COTL1: variants seen among roughly 807,000 people sequenced by gnomAD.
COTL1 encodes coactosin like F-actin binding protein 1.
A neutral mutation model predicts 16.5 loss-of-function variants in COTL1; 15 were observed. The ratio of observed to expected loss-of-function variants is 0.91; its 90% CI spans 0.61 to 1.40. The LOEUF (loss-of-function observed/expected upper bound fraction) is 1.40, where lower values mean the gene tolerates loss of function less well. Ranked by LOEUF, COTL1 falls within the 40% of genes most tolerant of loss-of-function variation. COTL1 has a pLI of 0.00. For missense variants in COTL1, 220 were observed against 201.5 expected (o/e 1.09, Z -0.56); for synonymous variants, 112 against 85.3 (o/e 1.31, Z -1.73).
chr16:84,593,788 C>T (rs976453879), intron 2 of COTL1, among the ~76,000 whole-genome samples: 5 of 152,278 alleles, frequency 3.3e-5, no homozygotes, highest in East Asian at 1.9e-4. Flanking sequence ...CGTGAGCCAC[C>T]GCGCCCGGCC....
intron 2 of COTL1, among the ~76,000 whole-genome samples, chr16:84,591,727 G>A (rs112373859): frequency 1.5e-4 from 23 of 150,156 alleles, no homozygotes; most frequent in African/African-American, 4.1e-4. Flanking sequence ...GGAGGCTAAG[G>A]TGGGAGGATC....
intron 3 of COTL1, among the ~76,000 whole-genome samples, chr16:84,569,406 T>G (rs888084978): frequency 6.6e-6 from 1 of 152,138 alleles, no homozygotes; most frequent in African/African-American, 2.4e-5. Flanking sequence ...AAAGTCGCCA[T>G]ATTGCCAAGA....
intron 3 of COTL1, among the ~76,000 whole-genome samples, chr16:84,587,532 A>G (rs1332235888): frequency 6.6e-6 from 1 of 152,220 alleles, no homozygotes; most frequent in Non-Finnish European, 1.5e-5. Flanking sequence ...ATGACGGTAC[A>G]CTTGTGAACC....
chr16:84,602,788 G>A (rs968723300), intron 2 of COTL1, among the ~76,000 whole-genome samples: 2 of 151,876 alleles, frequency 1.3e-5, no homozygotes, highest in Non-Finnish European at 2.9e-5. Context: ...CCAGGAGGCA[G>A]AGGTTGCAGT....
chr16:84,596,793 A>G (rs1250005971), intron 2 of COTL1: 1 of 152,654 alleles, frequency 6.6e-6, no homozygotes, highest in Non-Finnish European at 1.5e-5. Flanking sequence ...GATCTCAGCT[A>G]CCACCACAGA....
intron 3 of COTL1, among the ~76,000 whole-genome samples, chr16:84,570,954 CTT>C (rs59583914): frequency 7.5e-4 from 111 of 147,588 alleles, no homozygotes; most frequent in Admixed American, 1.0e-3. Flanking sequence ...CTCATTCCTG[CTT>C]TTTTTTTTTT....
At chr16:84,603,349 G>C (rs190170391) in intron 2 of COTL1, among the ~76,000 whole-genome samples, 2 of 152,166 alleles carry the variant, frequency 1.3e-5, no homozygotes, top group Non-Finnish European at 2.9e-5. Context: ...AACGAAGTGT[G>C]ACTCAGCCAG....
chr16:84,577,411 T>A (rs1012990242), intron 3 of COTL1, among the ~76,000 whole-genome samples: 43 of 152,212 alleles, frequency 2.8e-4, no homozygotes, highest in African/African-American at 1.0e-3. Context: ...CACCCAGCTA[T>A]TTTTTGTATT....
chr16:84,608,515 C>A (rs1567540454), intron 2 of COTL1, among the ~76,000 whole-genome samples: 1 of 152,330 alleles, frequency 6.6e-6, no homozygotes, highest in East Asian at 1.9e-4. Flanking sequence ...CAGGGCCTCC[C>A]AGCAACAGAT....
chr16:84,587,145 T>C (rs1904752485), intron 3 of COTL1, among the ~76,000 whole-genome samples: 1 of 152,162 alleles, frequency 6.6e-6, no homozygotes, highest in African/African-American at 2.4e-5. Context: ...AAAACCCAAC[T>C]GGCCTGGAGA....
intron 2 of COTL1, among the ~76,000 whole-genome samples, chr16:84,606,204 G>C (rs1299829631): frequency 2.0e-5 from 3 of 152,272 alleles, no homozygotes; most frequent in East Asian, 1.9e-4. Flanking sequence ...ACTTGCTTAA[G>C]TGGGAGAGGA....
chr16:84,572,702 T>A (rs1904359441), intron 3 of COTL1, among the ~76,000 whole-genome samples: 1 of 152,054 alleles, frequency 6.6e-6, no homozygotes, highest in South Asian at 2.1e-4. Context: ...GCTCAAGCGA[T>A]CCACCCATCT....
chr16:84,587,718 C>T (rs1049737388), intron 3 of COTL1, among the ~76,000 whole-genome samples: 6 of 152,178 alleles, frequency 3.9e-5, no homozygotes, highest in East Asian at 1.9e-4. Context: ...CCAGGAGGGA[C>T]GTCCAAAAGC....
intron 2 of COTL1, among the ~76,000 whole-genome samples, chr16:84,606,222 G>C (rs1018383862): frequency 6.6e-6 from 1 of 152,224 alleles, no homozygotes; most frequent in Admixed American, 6.5e-5. Flanking sequence ...GGAAGGTGGC[G>C]ATGCCTGGGC....
chr16:84,598,414 C>A (rs1033753616), intron 2 of COTL1, among the ~76,000 whole-genome samples: 1 of 152,160 alleles, frequency 6.6e-6, no homozygotes, highest in African/African-American at 2.4e-5. Context: ...CTTCAAGGTT[C>A]TCTGCCTTCA....
chr16:84,617,919 G>A lies in COTL1; in HGVS notation c.-5C>T, dbSNP rs758286218. 2 of 1,551,436 alleles carry A rather than the reference G, an allele frequency of 1.3e-6. 1 individual carries two copies. The highest frequency in any genetic ancestry group is 2.4e-5 in the South Asian group (2 of 84,296). ...TTTGTCGATCTTGGTGGCCATCGCC[G>A]CGGAGCCGCAGCGGGACACTGTCCG... On this transcript the variant is annotated 5_prime_UTR_variant, in exon 1 of 4. Transcript: ENST00000262428.
chr16:84,587,969 G>A (rs1421595807), intron 3 of COTL1, among the ~76,000 whole-genome samples: 20 of 151,950 alleles, frequency 1.3e-4, no homozygotes, highest in Non-Finnish European at 2.5e-4. Flanking sequence ...ACAGAGTTTT[G>A]CCATGTTGGC....
intron 3 of COTL1, among the ~76,000 whole-genome samples, chr16:84,581,506 T>TTTG (rs34587861): frequency 0.28 from 42,819 of 151,554 alleles, 7,012 homozygotes; most frequent in East Asian, 0.55. Flanking sequence ...TCTCTAATTT[T>TTTG]TTGTTGTTGT....
chr16:84,579,296 C>T lies in COTL1; in HGVS notation c.318+10809G>A, dbSNP rs188925375. ...TGGATCACCTGAGGTCAGGAGTTCGCGACCAGTCTGGCCAACATGGCATCT... is the reference window on the plus strand; with the variant it reads ...TGGATCACCTGAGGTCAGGAGTTCGTGACCAGTCTGGCCAACATGGCATCT... On this transcript the variant is annotated intron_variant, in intron 3 of 3. Coordinates refer to ENST00000262428, the MANE Select transcript of COTL1 (RefSeq NM_021149.5). Among the ~76,000 whole-genome samples, 302 of 152,282 alleles carry T rather than the reference C, an allele frequency of 2.0e-3. 1 individual carries two copies. The highest frequency in any genetic ancestry group is 6.9e-3 in the African/African-American group (285 of 41,554).
Sources: allele counts gnomAD v4.1 joint callset (sites outside exome capture counted in the v4.1 genomes callset), GRCh38; gene constraint gnomAD v4.1.1; transcripts MANE v1.5; gene names NCBI Gene and HGNC (gene_info 2026-07-23, HGNC 2026-07-21).